Variants in VPS13B observed in about 807,000 individuals in gnomAD.
VPS13B encodes vacuolar protein sorting 13 homolog B.
Under a neutral mutation model 426.4 loss-of-function variants are expected in VPS13B, and 285 were observed. The observed-to-expected ratio is 0.67, with a 90% CI of 0.61 to 0.74. The LOEUF is 0.74. VPS13B is among the 30% of genes least tolerant of loss of function. The pLI is 0.00. For synonymous variants in VPS13B, 1,676 were observed against 1,676.4 expected, an observed-to-expected ratio of 1.00 and a Z score of 0.01; for missense variants, 4,537 against 4,782.6, an observed-to-expected ratio of 0.95 and a Z score of 1.51.
At chr8:99,321,894 A>C (rs1444335294) in intron 19 of VPS13B, among the ~76,000 whole-genome samples, 1 of 152,228 alleles carries the variant, frequency 6.6e-6, no homozygotes, top group Non-Finnish European at 1.5e-5. Context: ...AGGTTCCAAA[A>C]CTAAGACTGT....
At chr8:99,716,139 A>G (rs1832910419) in intron 36 of VPS13B, among the ~76,000 whole-genome samples, 2 of 152,166 alleles carry the variant, frequency 1.3e-5, no homozygotes, top group Non-Finnish European at 2.9e-5. Flanking sequence ...TCTTATCTCT[A>G]ACACTTTTGT....
chr8:99,493,478 A>C (rs1820724170), intron 25 of VPS13B, among the ~76,000 whole-genome samples: 2 of 152,182 alleles, frequency 1.3e-5, no homozygotes, highest in Admixed American at 6.5e-5. Context: ...GTCATTTAGA[A>C]AATTATTTGA....
intron 8 of VPS13B, among the ~76,000 whole-genome samples, chr8:99,122,682 A>G (rs1008790004): frequency 6.6e-6 from 1 of 152,204 alleles, no homozygotes; most frequent in African/African-American, 2.4e-5. Context: ...TTTCAATGCC[A>G]GCTGTGTCTA....
chr8:99,323,236 G>A (rs1035186764), intron 19 of VPS13B, among the ~76,000 whole-genome samples: 1 of 152,244 alleles, frequency 6.6e-6, no homozygotes, highest in South Asian at 2.1e-4. Flanking sequence ...GCTGCATGAC[G>A]GTAATTACAG....
intron 17 of VPS13B, among the ~76,000 whole-genome samples, chr8:99,215,163 CT>C (rs1484547887): frequency 1.3e-5 from 2 of 152,038 alleles, no homozygotes; most frequent in Non-Finnish European, 2.9e-5. Flanking sequence ...TGTATGTCTG[CT>C]TTTTTGGTGA....
At chr8:99,504,072 G>A (rs1012130398) in intron 27 of VPS13B, among the ~76,000 whole-genome samples, 3 of 152,174 alleles carry the variant, frequency 2.0e-5, no homozygotes, top group South Asian at 2.1e-4. Context: ...GGGTCATAGG[G>A]GAGGATCTCT....
At chr8:99,128,202 A>G (rs757569464) in intron 8 of VPS13B, among the ~76,000 whole-genome samples, 2 of 151,772 alleles carry the variant, frequency 1.3e-5, no homozygotes, top group Non-Finnish European at 2.9e-5. Flanking sequence ...CAGCCTGGCC[A>G]ACATGGAAAC....
In VPS13B at chr8:99,136,771, TA is replaced by T. The variant is rs1354450375; in HGVS notation, c.1651+20del. ...GGCAAAGGTATTGGCTTCTTTCCTT[TA>T]TGTGTGCCATTTCTTGAACAACTGA... On this transcript the variant is annotated intron_variant, in intron 12 of 61. Transcript: ENST00000357162. The T allele has an allele frequency of 2.5e-6, 4 of 1,610,968 alleles. No individual in the cohort carries two copies. The highest frequency in any genetic ancestry group is 3.4e-6 in the Non-Finnish European group (4 of 1,177,454).
At chr8:99,469,597 ATCTTCTTTGAGAT>A (rs1375156707) in intron 24 of VPS13B, among the ~76,000 whole-genome samples, 1 of 152,180 alleles carries the variant, frequency 6.6e-6, no homozygotes, top group African/African-American at 2.4e-5. Flanking sequence ...TGAAATGACT[ATCTTCTTTGAGAT>A]TACTCTTTGA....
chr8:99,246,569 C>A (rs1007795926), intron 17 of VPS13B, among the ~76,000 whole-genome samples: 1 of 152,150 alleles, frequency 6.6e-6, no homozygotes, highest in Non-Finnish European at 1.5e-5. Flanking sequence ...TGTTTGCTAA[C>A]CCATTTTAGA....
chr8:99,853,993 A>G lies in VPS13B; in HGVS notation c.10604A>G (p.His3535Arg). Residue 3535 changes from histidine to arginine, a missense_variant, in exon 56 of 62, where the codon CAC becomes CGC. Around this residue, in one of 2 missense-constraint regions of VPS13B, gnomAD observed 4,311 missense variants for 4,474.3 expected, o/e 0.96. Coordinates refer to ENST00000357162, the MANE Select transcript of VPS13B (RefSeq NM_152564.5). ...AGCAGGTTGGCTGGTCACTCCACAC[A>G]CCTCTCCGGGGGTAAACAGGTGTTG... ...PNSRLAGHST[H>R]LSGGKQVLPM... The G allele has an allele frequency of 6.2e-7, 1 of 1,614,046 alleles. No homozygotes were observed. The highest frequency in any genetic ancestry group is 8.5e-7 in the Non-Finnish European group (1 of 1,179,998).
At chr8:99,824,062 A>C in intron 51 of VPS13B, 84 bp downstream of exon 51, 1 of 1,493,830 alleles carries the variant, frequency 6.7e-7, no homozygotes, top group Admixed American at 1.7e-5. Context: ...CCTATAGCAA[A>C]TGAAAAGCTA....
intron 29 of VPS13B, among the ~76,000 whole-genome samples, chr8:99,514,162 C>G (rs545878782): frequency 2.6e-5 from 4 of 152,254 alleles, no homozygotes; most frequent in African/African-American, 9.6e-5. Flanking sequence ...CGTCATAGCC[C>G]TTAGGTGTTC....
At chr8:99,769,282 G>A (rs1334025830) in intron 40 of VPS13B, among the ~76,000 whole-genome samples, 1 of 152,022 alleles carries the variant, frequency 6.6e-6, no homozygotes. Context: ...TAGAAGAGCT[G>A]GTTTAAAAGT....
At chr8:99,215,596 C>T (rs1815345650) in intron 17 of VPS13B, among the ~76,000 whole-genome samples, 1 of 152,068 alleles carries the variant, frequency 6.6e-6, no homozygotes, top group South Asian at 2.1e-4. Flanking sequence ...TCCTTTTGCC[C>T]CCTGCCTCCT....
chr8:99,873,917 G>C (rs1013476665), intron 61 of VPS13B, among the ~76,000 whole-genome samples: 5 of 152,074 alleles, frequency 3.3e-5, no homozygotes, highest in African/African-American at 4.8e-5. Context: ...AGTATTTTAA[G>C]ATCTATAAAT....
At chr8:99,152,841 T>G (rs995147632) in intron 14 of VPS13B, among the ~76,000 whole-genome samples, 1 of 152,218 alleles carries the variant, frequency 6.6e-6, no homozygotes, top group South Asian at 2.1e-4. Flanking sequence ...GTAAGGTATG[T>G]ATTTCTCTAT....
intron 3 of VPS13B, among the ~76,000 whole-genome samples, chr8:99,067,850 TTTC>T (rs1844621478): frequency 6.6e-6 from 1 of 152,234 alleles, no homozygotes; most frequent in Non-Finnish European, 1.5e-5. Flanking sequence ...AATGCATTCT[TTTC>T]TTCTTATACA....
chr8:99,392,184 A>G (rs1422619717), intron 21 of VPS13B, among the ~76,000 whole-genome samples: 1 of 152,218 alleles, frequency 6.6e-6, no homozygotes, highest in African/African-American at 2.4e-5. Flanking sequence ...TTCCTTCTTT[A>G]AGTGAATTCT....
Sources: allele counts gnomAD v4.1 joint callset (sites outside exome capture counted in the v4.1 genomes callset), GRCh38; gene constraint gnomAD v4.1.1; regional missense constraint gnomAD v4.1.1; transcripts MANE v1.5; gene names NCBI Gene and HGNC (gene_info 2026-07-23, HGNC 2026-07-21).